Variants in TICAM1 observed in about 807,000 individuals in gnomAD.
TICAM1 encodes the protein TIR domain-containing adapter molecule 1.
For synonymous variants in TICAM1, 439 were observed against 415.4 expected (o/e 1.06, Z -0.69); for missense variants, 895 against 938.2 (o/e 0.95, Z 0.60).
chr19:4,818,222 G>A lies in TICAM1; in HGVS notation c.156C>T (p.Gly52=), dbSNP rs745665530. ...GAGAGATCCTGGCCTCAGTTTCCTG[G>A]CCCAGCTTCAGGAGAACCATGGCAT... The part of the protein sequence containing the change: ...LLHAMVLLKL[G]QETEARISLE... The change falls in exon 2 of 2, where the codon GGC becomes GGT. Residue 52 remains glycine (G), a synonymous_variant. Coordinates refer to ENST00000248244, the MANE Select transcript of TICAM1 (RefSeq NM_182919.4). The surrounding 1 kb of genome is among the most constrained non-coding windows in gnomAD (Gnocchi z 4.0). 5.0e-6 allele frequency: 8 copies of A among 1,613,102 alleles called. No individual in the cohort carries two copies. The highest frequency in any genetic ancestry group is 2.2e-5 in the South Asian group (2 of 91,076).
chr19:4,825,511 G>T (rs529280618), intron 1 of TICAM1, among the ~76,000 whole-genome samples: 2 of 148,510 alleles, frequency 1.3e-5, no homozygotes, highest in Non-Finnish European at 3.0e-5. Context: ...GTGAGCCACC[G>T]CGGCCGGCAT....
At chr19:4,830,736 T>C (rs1423300944) in intron 1 of TICAM1, among the ~76,000 whole-genome samples, 1 of 152,224 alleles carries the variant, frequency 6.6e-6, no homozygotes, top group Non-Finnish European at 1.5e-5. Flanking sequence ...TGTGTGGCTC[T>C]GAGAGACTGG....
rs11466720 is a variant in TICAM1 at position 4,818,072 on chromosome 19, C to A, written c.306G>T (p.Leu102=). Residue 102 remains leucine (L), a synonymous_variant, in exon 2 of 2, where the codon CTG becomes CTT. Transcript: ENST00000248244. This position sits in a 1 kb window ranked among gnomAD's most constrained non-coding sequence, Gnocchi z 4.0. ...VSWAVARLYH[L]LAEEKLCPAS... is the part of the protein sequence containing the mutation. ...CGGGGCACAGCTTCTCCTCAGCCAGCAGGTGGTACAAGCGGGCCACAGCCC... is the reference window on the plus strand; with the variant it reads ...CGGGGCACAGCTTCTCCTCAGCCAGAAGGTGGTACAAGCGGGCCACAGCCC... 1 of 1,607,586 alleles carries A rather than the reference C, an allele frequency of 6.2e-7. No individual in the cohort carries two copies. The highest frequency in any genetic ancestry group is 1.3e-5 in the African/African-American group (1 of 74,924).
At position 4,816,382 on chromosome 19, in the gene TICAM1, C is replaced by T. The variant is rs11466724; in HGVS notation, c.1996G>A (p.Ala666Thr). 3 of 1,586,890 alleles carry T rather than the reference C, an allele frequency of 1.9e-6. No individual in the cohort carries two copies. The highest frequency in any genetic ancestry group is 2.7e-5 in the African/African-American group (2 of 74,024). Residue 666 changes from alanine (A) to threonine (T), a missense_variant, in exon 2 of 2, where the codon GCC (alanine) becomes ACC (threonine). Coordinates refer to ENST00000248244, the MANE Select transcript of TICAM1 (RefSeq NM_182919.4). The surrounding 1 kb of genome is among the most constrained non-coding windows in gnomAD (Gnocchi z 4.3). ...GGGCTCTGAGGGGGTGCGGGTGAGGCCGTAGGGAAGGCTGGGGACTGCGGG... is the reference window on the plus strand; with the variant it reads ...GGGCTCTGAGGGGGTGCGGGTGAGGTCGTAGGGAAGGCTGGGGACTGCGGG... ...PFPQSPAFPTASPAPPQSPGL... is the reference protein window; with the variant it reads ...PFPQSPAFPTTSPAPPQSPGL...
chr19:4,830,173 G>C (rs533415723), intron 1 of TICAM1, among the ~76,000 whole-genome samples: 1 of 150,896 alleles, frequency 6.6e-6, no homozygotes, highest in African/African-American at 2.5e-5. Flanking sequence ...CTGCAGCCTT[G>C]AACTCCCGGG....
rs141952423 is a variant in TICAM1 at position 4,825,818 on chromosome 19, G to A, written c.-140+5796C>T. Among the ~76,000 whole-genome samples the A allele has an allele frequency of 5.6e-3, 847 of 152,024 alleles. 7 individuals carry two copies. The highest frequency in any genetic ancestry group is 0.019 in the African/African-American group (792 of 41,476). On this transcript the variant is annotated intron_variant, in intron 1 of 1. Transcript: ENST00000248244. ...ACTAAAAATAAAAAATATTAGCAGG[G>A]CATGGTGGCAGGTGCTGGTAATCCC...
intron 1 of TICAM1, among the ~76,000 whole-genome samples, chr19:4,822,989 C>A (rs1386141934): frequency 6.6e-6 from 1 of 152,044 alleles, no homozygotes; most frequent in Non-Finnish European, 1.5e-5. Flanking sequence ...TTGTATTTGG[C>A]TTTGGTGTTT....
At chr19:4,821,805 T>C (rs1375831015) in intron 1 of TICAM1, among the ~76,000 whole-genome samples, 19 of 141,050 alleles carry the variant, frequency 1.3e-4, no homozygotes, top group Middle Eastern at 4.1e-3. Flanking sequence ...CCACCATGCC[T>C]GGTTAATTTT....
chr19:4,820,313 G>C (rs4807648), intron 1 of TICAM1, among the ~76,000 whole-genome samples: 4 of 151,092 alleles, frequency 2.6e-5, no homozygotes, highest in African/African-American at 9.7e-5. Context: ...CCAGCTACTC[G>C]GGAGGCTGAG....
chr19:4,830,749 G>A (rs946660494), intron 1 of TICAM1, among the ~76,000 whole-genome samples: 2 of 152,210 alleles, frequency 1.3e-5, no homozygotes, highest in African/African-American at 2.4e-5. Context: ...GAGACTGGCT[G>A]GGAAGGGGCT....
intron 1 of TICAM1, among the ~76,000 whole-genome samples, chr19:4,822,399 C>T (rs962756448): frequency 7.3e-5 from 11 of 151,696 alleles, no homozygotes; most frequent in Admixed American, 2.6e-4. Flanking sequence ...CCCGCCACCA[C>T]GCCCAGCTAA....
Position 4,817,326 on chromosome 19 carries a change from G to C in TICAM1, c.1052C>G (p.Pro351Arg), listed in dbSNP as rs780203292. 3.7e-6 allele frequency: 6 copies of C among 1,613,786 alleles called. No homozygotes were observed. The highest frequency in any genetic ancestry group is 5.1e-6 in the Non-Finnish European group (6 of 1,180,040). ...GGATGTTTCTGGGGTGGTGGGAGTA[G>C]GTGGGCACGGCTTGGTATTTGGAGA... Reference protein sequence around the residue: ...TTSPNTKPCPPTPTTPETSPP... With the variant: ...TTSPNTKPCPRTPTTPETSPP... Residue 351 changes from proline to arginine, a missense_variant, in exon 2 of 2, where the codon CCT becomes CGT. Physicochemically the swap from Pro to Arg is moderately radical, Grantham distance 103. Coordinates refer to ENST00000248244, the MANE Select transcript of TICAM1 (RefSeq NM_182919.4). The surrounding 1 kb of genome is among the most constrained non-coding windows in gnomAD (Gnocchi z 4.7).
rs781426719 is a variant in TICAM1, at chr19:4,816,546, C to A, written c.1832G>T (p.Gly611Val). 6.2e-7 allele frequency: 1 copy of A among 1,605,488 alleles called. No individual in the cohort carries two copies. Among genetic ancestry groups the A allele is most frequent in the Non-Finnish European group, 8.5e-7 (1 of 1,176,522 alleles). ...APYGARMPFG[G>V]QVPLGAPPPF... ...TGGCGGGGCTCCCAGGGGCACCTGG[C>A]CCCCAAAGGGCATTCGAGCCCCATA... Residue 611 changes from glycine (G) to valine (V), a missense_variant, in exon 2 of 2, where the codon GGC becomes GTC. By Grantham distance (109) the Gly-to-Val change is moderately radical (BLOSUM62 -3). Transcript: ENST00000248244. This position sits in a 1 kb window ranked among gnomAD's most constrained non-coding sequence, Gnocchi z 4.3.
At chr19:4,822,659 T>C (rs1486234618) in intron 1 of TICAM1, among the ~76,000 whole-genome samples, 1 of 152,224 alleles carries the variant, frequency 6.6e-6, no homozygotes, top group Non-Finnish European at 1.5e-5. Flanking sequence ...CCATGGGGTC[T>C]ACAAAGTGGA....
At chr19:4,827,217 G>A (rs866706525) in intron 1 of TICAM1, among the ~76,000 whole-genome samples, 2 of 151,112 alleles carry the variant, frequency 1.3e-5, no homozygotes, top group African/African-American at 4.8e-5. Flanking sequence ...CGGGCATGGT[G>A]GCGCAAGCCT....
At chr19:4,821,674 C>T (rs573495675) in intron 1 of TICAM1, among the ~76,000 whole-genome samples, 5 of 148,732 alleles carry the variant, frequency 3.4e-5, no homozygotes, top group African/African-American at 1.3e-4. Context: ...GACAGAGTCT[C>T]ACTCTTGTTG....
At position 4,816,076 on chromosome 19, in the gene TICAM1, G is replaced by C; in HGVS notation, c.*163C>G. 8.8e-7 allele frequency: 1 copy of C among 1,137,330 alleles called. No individual in the cohort carries two copies. Among genetic ancestry groups the C allele is most frequent in the Non-Finnish European group, 1.1e-6 (1 of 891,686 alleles). 70.5% of individuals were successfully genotyped at this position (1,137,330 alleles called of 1,614,324 possible). A position where few individuals can be genotyped will look rare whatever the true frequency, so the allele number is the denominator to read the frequency against. On this transcript the variant is annotated 3_prime_UTR_variant, in exon 2 of 2. Coordinates refer to ENST00000248244, the MANE Select transcript of TICAM1 (RefSeq NM_182919.4). The surrounding 1 kb of genome is among the most constrained non-coding windows in gnomAD (Gnocchi z 4.3). ...TGAAAGCCAGGGCATCATCGCGCCC[G>C]TTTTGTCCTAAATGAAGGGCTCCCG...
At position 4,816,845 on chromosome 19, in the gene TICAM1, C is replaced by T. The variant is rs1419970844; in HGVS notation, c.1533G>A (p.Val511=). 2 of 1,612,630 alleles carry T rather than the reference C, an allele frequency of 1.2e-6. No homozygotes were observed. Among genetic ancestry groups the T allele is most frequent in the South Asian group, 1.1e-5 (1 of 91,082 alleles). Residue 511 remains valine, a synonymous_variant, in exon 2 of 2, where the codon GTG becomes GTA. Transcript: ENST00000248244. This position sits in a 1 kb window ranked among gnomAD's most constrained non-coding sequence, Gnocchi z 4.3. ...SDTASLLSGL[V]RLDEHSQIFA... is the part of the protein sequence containing the mutation. ...AGATCTGGGAGTGTTCGTCCAGCCG[C>T]ACCAGCCCGGAGAGCAGGCTGGCCG...
chr19:4,823,557 C>T (rs2043399821), intron 1 of TICAM1, among the ~76,000 whole-genome samples: 1 of 151,002 alleles, frequency 6.6e-6, no homozygotes, highest in Admixed American at 6.6e-5. Flanking sequence ...ATTGGTTGAG[C>T]CTGGGAGGTT....
Sources: gnomAD v4.1 joint callset for allele counts (sites outside exome capture counted in the v4.1 genomes callset) on GRCh38, gnomAD v4.1.1 for gene constraint, Gnocchi (gnomAD v3.1) non-coding constraint, MANE v1.5 for transcripts, NCBI Gene and HGNC (gene_info 2026-07-23, HGNC 2026-07-21) for gene names.